ST7: variants seen among roughly 807,000 people sequenced by gnomAD.
ST7 encodes suppression of tumorigenicity 7.
In ST7, 28 loss-of-function variants were observed where a neutral mutation model predicts 78.7. The ratio of observed to expected loss-of-function variants is 0.36; its 90% CI spans 0.26 to 0.49. The LOEUF is 0.49. Ranked by LOEUF, ST7 falls within the 20% of genes least tolerant of loss-of-function variation. The probability of loss-of-function intolerance (pLI) is 0.99; values close to 1 mark genes in which losing one functional copy is unlikely to be tolerated. For synonymous variants in ST7, 247 were observed against 249.6 expected, an observed-to-expected ratio of 0.99 and a Z score of 0.10; for missense variants, 418 against 696.0, an observed-to-expected ratio of 0.60 and a Z score of 4.49.
chr7:117,014,271 G>A (rs1405476572), intron 1 of ST7, among the ~76,000 whole-genome samples: 1 of 88,732 alleles, frequency 1.1e-5, no homozygotes, highest in Non-Finnish European at 2.2e-5. Flanking sequence ...TAAAGTATAA[G>A]CTAGGATATG....
intron 1 of ST7, among the ~76,000 whole-genome samples, chr7:117,056,288 GTGC>G (rs1399642565): frequency 6.6e-6 from 1 of 152,196 alleles, no homozygotes; most frequent in South Asian, 2.1e-4. Context: ...TTTTTGTGCA[GTGC>G]TGCTGAGTAT....
At chr7:117,077,574 G>A (rs1799440903) in intron 1 of ST7, among the ~76,000 whole-genome samples, 2 of 152,174 alleles carry the variant, frequency 1.3e-5, no homozygotes, top group Admixed American at 1.3e-4. Context: ...TAGGAATCCA[G>A]TAACTCTGCT....
chr7:117,106,030 C>T (rs1419813306), intron 2 of ST7, among the ~76,000 whole-genome samples: 2 of 151,326 alleles, frequency 1.3e-5, no homozygotes, highest in East Asian at 1.9e-4. Flanking sequence ...CTCGCTGTGT[C>T]GCCCAGGCCA....
At chr7:117,049,584 C>G (rs1346908933) in intron 1 of ST7, among the ~76,000 whole-genome samples, 1 of 152,210 alleles carries the variant, frequency 6.6e-6, no homozygotes, top group East Asian at 1.9e-4. Flanking sequence ...CCAGCACCCA[C>G]ATAAAAGCTG....
chr7:117,125,194 ATAGTTT>A (rs1477375002), intron 3 of ST7, among the ~76,000 whole-genome samples: 1 of 152,148 alleles, frequency 6.6e-6, no homozygotes, highest in Non-Finnish European at 1.5e-5. Context: ...AATACCTAAA[ATAGTTT>A]TAGTAGCTAG....
rs527661560 is a variant in ST7, at chr7:117,168,267, T to A, written c.964-2595T>A. Among the ~76,000 whole-genome samples the A allele has an allele frequency of 3.3e-5, 5 of 152,338 alleles. No individual in the cohort carries two copies. In the East Asian group the frequency reaches 9.6e-4, roughly 29 times the overall value. On this transcript the variant is annotated intron_variant, in intron 9 of 15. Coordinates refer to ENST00000323984, the MANE Select transcript of ST7 (RefSeq NM_001369598.1). ...TGTTGGAACTGGGTGAGACCTCATG[T>A]TTGCGTATGCGGTCTCACTGAGTTT...
intron 9 of ST7, chr7:117,146,356 G>A (rs568579375): frequency 5.9e-5 from 9 of 152,342 alleles, no homozygotes; most frequent in African/African-American, 2.2e-4. Context: ...AGGAATCTTG[G>A]GTGGATAGAA....
intron 12 of ST7, among the ~76,000 whole-genome samples, chr7:117,202,773 A>G (rs1810996994): frequency 2.0e-5 from 3 of 152,180 alleles, no homozygotes; most frequent in Non-Finnish European, 2.9e-5. Flanking sequence ...TCCTCCTAGG[A>G]GAGCCAGGAG....
intron 1 of ST7, among the ~76,000 whole-genome samples, chr7:117,092,727 G>A (rs1418902360): frequency 6.6e-6 from 1 of 152,170 alleles, no homozygotes; most frequent in African/African-American, 2.4e-5. Flanking sequence ...AGTCTGAGGC[G>A]AAGTCCCTGC....
intron 15 of ST7, among the ~76,000 whole-genome samples, chr7:117,227,027 C>T (rs983355753): frequency 2.6e-5 from 4 of 152,206 alleles, no homozygotes; most frequent in Non-Finnish European, 4.4e-5. Context: ...TGAAGCTTTC[C>T]TCCTGATTTT....
chr7:117,167,834 G>A (rs1807688894), intron 9 of ST7, among the ~76,000 whole-genome samples: 1 of 152,266 alleles, frequency 6.6e-6, no homozygotes, highest in South Asian at 2.1e-4. Context: ...TTCAAATGAT[G>A]CAGAGGTCAA....
intron 13 of ST7, 177 bp from the exon 14 acceptor site, chr7:117,218,907 A>T: frequency 1.7e-6 from 1 of 576,758 alleles, no homozygotes; most frequent in South Asian, 2.1e-5. Context: ...TGAATGTGTG[A>T]GTAATCCATC....
At chr7:117,195,761 A>T (rs1810254869) in intron 12 of ST7, among the ~76,000 whole-genome samples, 1 of 152,160 alleles carries the variant, frequency 6.6e-6, no homozygotes, top group South Asian at 2.1e-4. Context: ...CCCACTATAC[A>T]TGGGGATTAT....
At chr7:117,149,714 C>T (rs10269684) in intron 9 of ST7, among the ~76,000 whole-genome samples, 40,819 of 147,304 alleles carry the variant, frequency 0.28, 6,892 homozygotes, top group African/African-American at 0.49. Flanking sequence ...GCTTCTTTTA[C>T]TGTGTCTTTC....
At chr7:117,054,572 T>C (rs1217526829) in intron 1 of ST7, among the ~76,000 whole-genome samples, 1 of 152,250 alleles carries the variant, frequency 6.6e-6, no homozygotes, top group Non-Finnish European at 1.5e-5. Flanking sequence ...ATTCTGCCTT[T>C]GTTAGGCCAT....
At chr7:117,151,702 A>G (rs1806259251) in intron 9 of ST7, among the ~76,000 whole-genome samples, 1 of 152,200 alleles carries the variant, frequency 6.6e-6, no homozygotes, top group African/African-American at 2.4e-5. Context: ...CTTGATAGAT[A>G]GGCACTCAAT....
At chr7:117,186,334 A>T (rs1161609107) in intron 10 of ST7, among the ~76,000 whole-genome samples, 1 of 152,202 alleles carries the variant, frequency 6.6e-6, no homozygotes, top group Non-Finnish European at 1.5e-5. Context: ...CTTGAACACA[A>T]GCACAGTGAT....
intron 1 of ST7, among the ~76,000 whole-genome samples, chr7:117,055,936 G>T (rs2116404480): frequency 6.6e-6 from 1 of 152,312 alleles, no homozygotes; most frequent in South Asian, 2.1e-4. Context: ...AGAACAGCCA[G>T]TCTGAGTCTC....
intron 1 of ST7, among the ~76,000 whole-genome samples, chr7:117,086,199 G>A (rs1800133370): frequency 6.6e-6 from 1 of 152,016 alleles, no homozygotes; most frequent in Non-Finnish European, 1.5e-5. Flanking sequence ...TCCATTTTGG[G>A]GATACACATT....
Sources: allele counts gnomAD v4.1 joint callset (sites outside exome capture counted in the v4.1 genomes callset), GRCh38; gene constraint gnomAD v4.1.1; transcripts MANE v1.5; gene names NCBI Gene and HGNC (gene_info 2026-07-23, HGNC 2026-07-21).